Variants in SPMIP2 observed in about 807,000 individuals in gnomAD.
The protein encoded by SPMIP2 is sperm microtubule inner protein 2, also known as protein SPMIP2.
the SPMIP2 span, among the ~76,000 whole-genome samples, chr4:159,063,321 G>A: frequency 1.3e-5 from 2 of 152,184 alleles, no homozygotes; most frequent in African/African-American, 4.8e-5. Context: ...CACTTTGGGA[G>A]ACCGAGACAG....
the SPMIP2 span, among the ~76,000 whole-genome samples, chr4:158,900,199 G>A: frequency 6.6e-6 from 1 of 152,184 alleles, no homozygotes; most frequent in African/African-American, 2.4e-5. Context: ...ATTGCACTGT[G>A]GTCTGAGAGA....
the SPMIP2 span, among the ~76,000 whole-genome samples, chr4:159,066,615 AT>A: frequency 0.32 from 21,697 of 68,510 alleles, 1,751 homozygotes; most frequent in East Asian, 0.44. Flanking sequence ...ATATATATAT[AT>A]ATATAGTATT....
At chr4:158,943,201 A>G in the SPMIP2 span, among the ~76,000 whole-genome samples, 2 of 152,228 alleles carry the variant, frequency 1.3e-5, no homozygotes, top group Non-Finnish European at 2.9e-5. Context: ...GTGTTTTAAT[A>G]TCAGGCCTTT....
the SPMIP2 span, among the ~76,000 whole-genome samples, chr4:159,039,178 A>G: frequency 6.6e-6 from 1 of 152,028 alleles, no homozygotes; most frequent in East Asian, 1.9e-4. Context: ...GGCTCAAGCA[A>G]TCCTCCTGAC....
At chr4:159,064,866 A>G in the SPMIP2 span, among the ~76,000 whole-genome samples, 8 of 152,212 alleles carry the variant, frequency 5.3e-5, no homozygotes, top group Non-Finnish European at 8.8e-5. Context: ...CCACATATGG[A>G]AAGAATACAC....
chr4:158,893,601 A>G, the SPMIP2 span: 2 of 1,044,442 alleles, frequency 1.9e-6, no homozygotes, highest in Non-Finnish European at 2.9e-6. Flanking sequence ...GTCCTGGGGC[A>G]ATATGAGAAG....
At chr4:158,995,237 T>G in the SPMIP2 span, among the ~76,000 whole-genome samples, 1 of 152,170 alleles carries the variant, frequency 6.6e-6, no homozygotes, top group Non-Finnish European at 1.5e-5. Flanking sequence ...TTCTTTTTGT[T>G]TTTTTGTAGT....
the SPMIP2 span, among the ~76,000 whole-genome samples, chr4:159,017,606 T>G: frequency 1.3e-5 from 2 of 152,134 alleles, no homozygotes; most frequent in Non-Finnish European, 2.9e-5. Flanking sequence ...GCTGTTTTGG[T>G]GTGTCCTGCA....
the SPMIP2 span, among the ~76,000 whole-genome samples, chr4:159,027,803 T>C: frequency 2.0e-5 from 3 of 152,204 alleles, no homozygotes; most frequent in Non-Finnish European, 4.4e-5. Context: ...AATGGAGCAA[T>C]ACATTTCAAA....
the SPMIP2 span, chr4:159,007,784 C>T: frequency 3.4e-6 from 2 of 583,412 alleles, no homozygotes; most frequent in South Asian, 2.7e-5. Flanking sequence ...GCAGCAGCAA[C>T]CTGGAGAAAA....
At chr4:158,938,781 A>G in the SPMIP2 span, among the ~76,000 whole-genome samples, 3 of 152,202 alleles carry the variant, frequency 2.0e-5, no homozygotes, top group Non-Finnish European at 4.4e-5. Context: ...AAAAATACAC[A>G]GTGTTTATTG....
At chr4:159,031,197 C>T in the SPMIP2 span, among the ~76,000 whole-genome samples, 1 of 152,028 alleles carries the variant, frequency 6.6e-6, no homozygotes, top group Non-Finnish European at 1.5e-5. Flanking sequence ...AGTGATGGGC[C>T]TTATAGGAGT....
At chr4:158,934,234 G>A in the SPMIP2 span, among the ~76,000 whole-genome samples, 2 of 152,160 alleles carry the variant, frequency 1.3e-5, no homozygotes, top group East Asian at 3.9e-4. Context: ...GCCTAGACAG[G>A]TGGATCACTT....
chr4:159,075,281 C>T, the SPMIP2 span, among the ~76,000 whole-genome samples: 1 of 152,148 alleles, frequency 6.6e-6, no homozygotes, highest in Admixed American at 6.5e-5. Context: ...GTGACAGAAA[C>T]AACCATGTAA....
At chr4:158,913,537 A>G in the SPMIP2 span, among the ~76,000 whole-genome samples, 1 of 152,244 alleles carries the variant, frequency 6.6e-6, no homozygotes, top group East Asian at 1.9e-4. Context: ...GTAAAATTCG[A>G]CTATGAACTT....
At chr4:159,061,414 C>A in the SPMIP2 span, among the ~76,000 whole-genome samples, 1 of 151,964 alleles carries the variant, frequency 6.6e-6, no homozygotes, top group Non-Finnish European at 1.5e-5. Context: ...TTCACTGTAT[C>A]CTGGGACACT....
the SPMIP2 span, among the ~76,000 whole-genome samples, chr4:158,939,834 G>A: frequency 3.8e-4 from 1 of 2,658 alleles, no homozygotes; most frequent in African/African-American, 1.4e-3. Context: ...GCAAGACTCT[G>A]TCTCAAAAAC....
chr4:158,980,965 T>C, the SPMIP2 span, among the ~76,000 whole-genome samples: 2 of 151,902 alleles, frequency 1.3e-5, no homozygotes, highest in Admixed American at 6.6e-5. Context: ...TGAAAAAAGG[T>C]TAGAGGAATT....
the SPMIP2 span, among the ~76,000 whole-genome samples, chr4:159,050,761 A>C: frequency 3.3e-5 from 5 of 151,574 alleles, no homozygotes; most frequent in African/African-American, 1.2e-4. Context: ...ATAACACTAC[A>C]TGCTAACTTG....
Sources: gnomAD v4.1 joint callset for allele counts (sites outside exome capture counted in the v4.1 genomes callset) on GRCh38, gnomAD v4.1.1 for gene constraint, MANE v1.5 for transcripts, NCBI Gene and HGNC (gene_info 2026-07-23, HGNC 2026-07-21) for gene names.